The following SKIC3 variants were observed in gnomAD, a reference collection of about 807,000 sequenced individuals.
The protein encoded by SKIC3 is SKI3 subunit of superkiller complex, also known as superkiller complex protein 3.
At chr5:95,523,902 G>A in the SKIC3 span, 4 of 1,429,530 alleles carry the variant, frequency 2.8e-6, no homozygotes, top group Non-Finnish European at 3.9e-6. Context: ...TACAAATACA[G>A]AAGATAAATA....
chr5:95,479,409 T>C, the SKIC3 span, among the ~76,000 whole-genome samples: 3 of 152,144 alleles, frequency 2.0e-5, no homozygotes, highest in Admixed American at 6.6e-5. Context: ...AACTGTAGAT[T>C]CTAAACAATC....
At chr5:95,531,618 AAC>A in the SKIC3 span, among the ~76,000 whole-genome samples, 2 of 152,294 alleles carry the variant, frequency 1.3e-5, no homozygotes, top group East Asian at 1.9e-4. Flanking sequence ...GACTTGTTAA[AAC>A]ACAGTCTGCT....
the SKIC3 span, among the ~76,000 whole-genome samples, chr5:95,486,825 T>C: frequency 6.6e-6 from 1 of 152,162 alleles, no homozygotes; most frequent in African/African-American, 2.4e-5. Flanking sequence ...GTGGACTGCT[T>C]GGGTCCCAGA....
chr5:95,512,655 T>C, the SKIC3 span: 7 of 1,612,216 alleles, frequency 4.3e-6, no homozygotes, highest in Admixed American at 1.0e-4. Flanking sequence ...CATAGGATAA[T>C]AAATGTGTCA....
the SKIC3 span, chr5:95,503,681 G>A: frequency 7.9e-7 from 1 of 1,265,882 alleles, no homozygotes; most frequent in Non-Finnish European, 1.1e-6. Context: ...TAGTATTGCT[G>A]CTGACTCCTA....
chr5:95,553,868 T>A, the SKIC3 span, among the ~76,000 whole-genome samples: 2 of 152,174 alleles, frequency 1.3e-5, no homozygotes, highest in Non-Finnish European at 2.9e-5. Context: ...ACTGTTTACG[T>A]TTTTGCATGC....
chr5:95,490,834 C>T, the SKIC3 span: 1 of 1,580,936 alleles, frequency 6.3e-7, no homozygotes, highest in Non-Finnish European at 8.7e-7. Context: ...TATGCTGAAG[C>T]CGTTTGTATT....
At chr5:95,524,391 T>C in the SKIC3 span, 27 of 1,578,590 alleles carry the variant, frequency 1.7e-5, no homozygotes, top group Non-Finnish European at 2.2e-5. Context: ...TAATTGTAAC[T>C]AATGTATATG....
the SKIC3 span, among the ~76,000 whole-genome samples, chr5:95,541,089 C>T: frequency 2.0e-5 from 3 of 152,258 alleles, no homozygotes; most frequent in South Asian, 6.2e-4. Flanking sequence ...GCCTCAGCCT[C>T]CTGAGTAGCT....
the SKIC3 span, among the ~76,000 whole-genome samples, chr5:95,470,904 G>C: frequency 2.0e-5 from 3 of 151,954 alleles, no homozygotes. Flanking sequence ...GCATTAAAAA[G>C]TTTCATTTAA....
At chr5:95,511,734 T>C in the SKIC3 span, among the ~76,000 whole-genome samples, 2 of 152,206 alleles carry the variant, frequency 1.3e-5, no homozygotes, top group Non-Finnish European at 2.9e-5. Context: ...TTCTTGAGCA[T>C]CTAGGATATG....
At chr5:95,522,046 T>C in the SKIC3 span, 2 of 1,613,148 alleles carry the variant, frequency 1.2e-6, no homozygotes, top group African/African-American at 2.7e-5. Context: ...CTACTAAAAA[T>C]AAATTACCTT....
At chr5:95,537,255 G>A in the SKIC3 span, 8 of 940,856 alleles carry the variant, frequency 8.5e-6, no homozygotes, top group Non-Finnish European at 1.3e-5. Flanking sequence ...GTATTCTACA[G>A]TCTAACCCTG....
chr5:95,465,072 C>T, the SKIC3 span, among the ~76,000 whole-genome samples: 12 of 151,610 alleles, frequency 7.9e-5, no homozygotes, highest in Admixed American at 5.9e-4. Context: ...GGATTACAGG[C>T]GCCCACCACC....
the SKIC3 span, chr5:95,482,337 C>T: frequency 3.1e-6 from 3 of 954,082 alleles, no homozygotes; most frequent in Admixed American, 3.6e-5. Flanking sequence ...ACCACAATAC[C>T]TTTTAGATCT....
the SKIC3 span, chr5:95,524,578 G>A: frequency 2.5e-6 from 4 of 1,613,414 alleles, no homozygotes; most frequent in Non-Finnish European, 3.4e-6. Context: ...TCTTTCTCAA[G>A]AGCTCTCTGA....
the SKIC3 span, among the ~76,000 whole-genome samples, chr5:95,468,204 G>C: frequency 6.6e-6 from 1 of 152,064 alleles, no homozygotes; most frequent in Non-Finnish European, 1.5e-5. Context: ...TTATACATAT[G>C]GCTGTATTTA....
the SKIC3 span, among the ~76,000 whole-genome samples, chr5:95,475,699 G>C: frequency 6.6e-6 from 1 of 152,192 alleles, no homozygotes; most frequent in Admixed American, 6.5e-5. Flanking sequence ...CTTATTTCTG[G>C]ATGCTTCCAA....
At chr5:95,529,284 C>T in the SKIC3 span, 2 of 664,934 alleles carry the variant, frequency 3.0e-6, no homozygotes, top group Non-Finnish European at 5.4e-6. Context: ...TCCATCTCCA[C>T]GTCAGTTCAG....
Sources: gnomAD v4.1 joint callset for allele counts (sites outside exome capture counted in the v4.1 genomes callset) on GRCh38, gnomAD v4.1.1 for gene constraint, MANE v1.5 for transcripts, NCBI Gene and HGNC (gene_info 2026-07-23, HGNC 2026-07-21) for gene names.